Variants in RPS6KA4 observed in about 807,000 individuals in gnomAD.
RPS6KA4 encodes ribosomal protein S6 kinase alpha-4.
Under a neutral mutation model 89.6 loss-of-function variants are expected in RPS6KA4, and 38 were observed. The observed-to-expected ratio is 0.42, with a 90% CI of 0.33 to 0.56. The LOEUF (loss-of-function observed/expected upper bound fraction) is 0.56, where lower values mean the gene tolerates loss of function less well. RPS6KA4 is among the 20% of genes least tolerant of loss of function. RPS6KA4 has a pLI of 0.07. For synonymous variants in RPS6KA4, 495 were observed against 492.8 expected (o/e 1.00, Z -0.06); for missense variants, 873 against 1,098.8 (o/e 0.79, Z 2.90).
At chr11:64,364,651 C>T (rs764125261) in intron 8 of RPS6KA4, among the ~76,000 whole-genome samples, 29 of 152,010 alleles carry the variant, frequency 1.9e-4, no homozygotes, top group Non-Finnish European at 8.8e-5. Flanking sequence ...TTCATCTAAC[C>T]CTGAGAGGGT....
At position 64,371,327 on chromosome 11, in the gene RPS6KA4, G is replaced by A; in HGVS notation, c.2166G>A (p.Val722=). 2 of 1,612,872 alleles carry A rather than the reference G, an allele frequency of 1.2e-6. No homozygotes were observed. Among genetic ancestry groups the A allele is most frequent in the Non-Finnish European group, 1.7e-6 (2 of 1,179,948 alleles). ...GKREGFFLKS[V]ENAPLAKRRK... ...GGGAGGGCTTCTTCCTGAAGAGCGT[G>A]GAGAATGCACCCCTGGCCAAGCGGC... The change falls in exon 17 of 17, where the codon GTG becomes GTA. Residue 722 remains valine (V), a synonymous_variant. Transcript: ENST00000334205.
rs1177592166 is a variant in RPS6KA4, at chr11:64,370,828, G to A, written c.2121+102G>A. On this transcript the variant is annotated intron_variant, in intron 16 of 16. Coordinates refer to ENST00000334205, the MANE Select transcript of RPS6KA4 (RefSeq NM_003942.3). The surrounding 1 kb of genome is among the most constrained non-coding windows in gnomAD (Gnocchi z 4.1). ...GAGCACAGAAAGGCGAGGTGAGGCCGGGCGCGGTGGCTCACGCCTGTAATC... is the reference window on the plus strand; with the variant it reads ...GAGCACAGAAAGGCGAGGTGAGGCCAGGCGCGGTGGCTCACGCCTGTAATC... The A allele has an allele frequency of 2.9e-6, 4 of 1,370,034 alleles. No individual in the cohort carries two copies. Among genetic ancestry groups the A allele is most frequent in the South Asian group, 3.0e-5 (2 of 66,650 alleles). 84.9% of individuals were successfully genotyped at this position (1,370,034 alleles called of 1,614,324 possible).
In RPS6KA4 at chr11:64,371,607, C is replaced by A. The variant is rs2037079715; in HGVS notation, c.*127C>A. 2 of 568,366 alleles carry A rather than the reference C, an allele frequency of 3.5e-6. No homozygotes were observed. The highest frequency in any genetic ancestry group is 6.5e-5 in the Admixed American group (2 of 30,682). The allele number at this position is 568,366 out of a possible 1,614,324, so 35.2% of individuals were successfully genotyped here. The stretch of plus-strand genomic sequence containing the variant: ...TGTCCTTTCCTCTCCTACCCCACCC[C>A]ACTCCCAGACAGAGCAGAAGTATTT... On this transcript the variant is annotated 3_prime_UTR_variant, in exon 17 of 17. Coordinates refer to ENST00000334205, the MANE Select transcript of RPS6KA4 (RefSeq NM_003942.3).
intron 2 of RPS6KA4, 126 bp from the exon 3 acceptor site, chr11:64,360,037 C>T: frequency 2.3e-6 from 2 of 880,488 alleles, no homozygotes; most frequent in Non-Finnish European, 3.4e-6. Flanking sequence ...TTTTGCACAC[C>T]TGCCTGTTGC....
intron 9 of RPS6KA4, among the ~76,000 whole-genome samples, chr11:64,367,793 G>T (rs2036924749): frequency 6.6e-6 from 1 of 152,090 alleles, no homozygotes; most frequent in Non-Finnish European, 1.5e-5. Flanking sequence ...GATAGAGTTG[G>T]ATTCTCATAA....
In RPS6KA4 at chr11:64,361,268, G is replaced by C; in HGVS notation, c.570+27G>C. 1 of 1,589,048 alleles carries C rather than the reference G, an allele frequency of 6.3e-7. No homozygotes were observed. The highest frequency in any genetic ancestry group is 1.1e-5 in the South Asian group (1 of 90,460). On this transcript the variant is annotated intron_variant, in intron 5 of 16. Coordinates refer to ENST00000334205, the MANE Select transcript of RPS6KA4 (RefSeq NM_003942.3). The surrounding 1 kb of genome is among the most constrained non-coding windows in gnomAD (Gnocchi z 4.7). Reference sequence around the variant, plus strand: ...TGAGTGGAGGCCACCTCTGCCTGCAGTGCCCCATTCAATCCTTCTCCTTCC... The same window carrying C: ...TGAGTGGAGGCCACCTCTGCCTGCACTGCCCCATTCAATCCTTCTCCTTCC...
Position 64,361,017 on chromosome 11 carries a change from CTCTA to C in RPS6KA4, c.463-116_463-113del. ...TCAGTGGCTCTGCCCTGGAGACCCC[CTCTA>C]CAGGCAGATGACTTTCTCTGGGGGG... On this transcript the variant is annotated intron_variant, in intron 4 of 16. Coordinates refer to ENST00000334205, the MANE Select transcript of RPS6KA4 (RefSeq NM_003942.3). This position sits in a 1 kb window ranked among gnomAD's most constrained non-coding sequence, Gnocchi z 4.7. 1 of 752,234 alleles carries C rather than the reference CTCTA, an allele frequency of 1.3e-6. No individual in the cohort carries two copies. Among genetic ancestry groups the C allele is most frequent in the Non-Finnish European group, 2.2e-6 (1 of 461,740 alleles). The allele number at this position is 752,234 out of a possible 1,614,324, so 46.6% of individuals were successfully genotyped here.
chr11:64,362,779 T>G (rs1160615420), intron 8 of RPS6KA4, among the ~76,000 whole-genome samples: 1 of 152,232 alleles, frequency 6.6e-6, no homozygotes, highest in East Asian at 1.9e-4. Flanking sequence ...CAAGCGATTT[T>G]CCTGCCTCAG....
intron 10 of RPS6KA4, 38 bp from the exon 11 acceptor site, chr11:64,368,430 C>T (rs1272346512): frequency 6.5e-7 from 1 of 1,543,556 alleles, no homozygotes; most frequent in African/African-American, 1.4e-5. Context: ...GGACCTCTGA[C>T]GCGCCGCCTT....
At chr11:64,367,270 C>G (rs572401929) in intron 9 of RPS6KA4, among the ~76,000 whole-genome samples, 20 of 152,168 alleles carry the variant, frequency 1.3e-4, no homozygotes, top group Non-Finnish European at 2.8e-4. Context: ...CTCAGCCTGC[C>G]CAATAGCTAG....
Position 64,361,836 on chromosome 11 carries a change from C to A in RPS6KA4, c.756-16C>A, listed in dbSNP as rs371951818. ...TGGGGGGCTTGCTGCCCCTGACACC[C>A]CCCCAATCCTCCCAGACGGATCCTG... On this transcript the variant is annotated splice_polypyrimidine_tract_variant and intron_variant, in intron 7 of 16. Transcript: ENST00000334205. The surrounding 1 kb of genome is among the most constrained non-coding windows in gnomAD (Gnocchi z 4.7). The A allele has an allele frequency of 1.6e-5, 26 of 1,592,136 alleles. No homozygotes were observed. Among genetic ancestry groups the A allele is most frequent in the African/African-American group, 4.1e-5 (3 of 73,524 alleles).
intron 8 of RPS6KA4, among the ~76,000 whole-genome samples, chr11:64,363,481 C>T (rs561674835): frequency 6.6e-6 from 1 of 152,174 alleles, no homozygotes; most frequent in Admixed American, 6.5e-5. Context: ...TGTTTCCCTC[C>T]TTCTGTCTTT....
chr11:64,367,359 A>C (rs531717855), intron 9 of RPS6KA4, among the ~76,000 whole-genome samples: 1 of 152,056 alleles, frequency 6.6e-6, no homozygotes, highest in Non-Finnish European at 1.5e-5. Flanking sequence ...TGCCCAGGCT[A>C]GAGTGCAATG....
chr11:64,360,387 C>A lies in RPS6KA4; in HGVS notation c.346+6C>A, dbSNP rs771260681. 1.9e-6 allele frequency: 3 copies of A among 1,553,166 alleles called. No homozygotes were observed. The highest frequency in any genetic ancestry group is 1.7e-4 in the Middle Eastern group (1 of 5,964). On this transcript the variant is annotated splice_donor_region_variant and intron_variant, in intron 3 of 16. Transcript: ENST00000334205. The stretch of plus-strand genomic sequence containing the variant: ...CAAGCTGCACCTCATCCTGGGTGAG[C>A]GCACACCACATCCCAACGGGGTTGG...
In RPS6KA4 at chr11:64,365,302, GCCT is replaced by G; in HGVS notation, c.910_912del (p.Leu304del). The G allele has an allele frequency of 6.2e-7, 1 of 1,612,404 alleles. No homozygotes were observed. Among genetic ancestry groups the G allele is most frequent in the Non-Finnish European group, 8.5e-7 (1 of 1,178,974 alleles). ...TGACCTCTGATTCCCTTCCCTCAGG[GCCT>G]CGATTGGGTGGCTCTGGCTGCCAGG... is the stretch of plus-strand genomic sequence containing the variant. On this transcript the variant is annotated inframe_deletion and splice_region_variant, in exon 9 of 17. Transcript: ENST00000334205.
chr11:64,371,473 C>T lies in RPS6KA4; in HGVS notation c.2312C>T (p.Pro771Leu). 1 of 1,201,716 alleles carries T rather than the reference C, an allele frequency of 8.3e-7. No homozygotes were observed. The highest frequency in any genetic ancestry group is 1.2e-6 in the Non-Finnish European group (1 of 835,254). 74.4% of individuals were successfully genotyped at this position (1,201,716 alleles called of 1,614,324 possible). A position where few individuals can be genotyped will look rare whatever the true frequency, so the allele number is the denominator to read the frequency against. Residue 771 changes from proline (P) to leucine (L), a missense_variant, in exon 17 of 17, where the codon CCC becomes CTC. Coordinates refer to ENST00000334205, the MANE Select transcript of RPS6KA4 (RefSeq NM_003942.3). ...CGCCGAGCCAACGGCCCCCTGCCCC[C>T]CTCCTAATCCCCACCACTGTGACCC... ...APRRANGPLP[P>L]S
chr11:64,367,352 C>T (rs187547808), intron 9 of RPS6KA4, among the ~76,000 whole-genome samples: 57 of 152,284 alleles, frequency 3.7e-4, no homozygotes, highest in Non-Finnish European at 6.8e-4. Context: ...CTCTTGTTGC[C>T]CAGGCTAGAG....
chr11:64,370,303 T>A lies in RPS6KA4; in HGVS notation c.1876T>A (p.Cys626Ser). ...GCAGAGCCAGGCGGCCGAGATCATG[T>A]GCAAAATCCGCGAGGGGCGCTTCTC... Reference protein sequence around the residue: ...GGQSQAAEIMCKIREGRFSLD... With the variant: ...GGQSQAAEIMSKIREGRFSLD... The change falls in exon 15 of 17, where the codon TGC (cysteine) becomes AGC (serine). Residue 626 changes from cysteine (C) to serine (S), a missense_variant. By Grantham distance (112) the Cys-to-Ser change is moderately radical. Transcript: ENST00000334205. This position sits in a 1 kb window ranked among gnomAD's most constrained non-coding sequence, Gnocchi z 4.1. 6.3e-7 allele frequency: 1 copy of A among 1,591,794 alleles called. No individual in the cohort carries two copies. Among genetic ancestry groups the A allele is most frequent in the Admixed American group, 1.9e-5 (1 of 51,614 alleles).
chr11:64,362,951 G>A (rs1204754128), intron 8 of RPS6KA4, among the ~76,000 whole-genome samples: 1 of 152,188 alleles, frequency 6.6e-6, no homozygotes. Context: ...GATTACAGGT[G>A]TGAGCCACCA....
Sources: gnomAD v4.1 joint callset for allele counts (sites outside exome capture counted in the v4.1 genomes callset) on GRCh38, gnomAD v4.1.1 for gene constraint, Gnocchi (gnomAD v3.1) non-coding constraint, MANE v1.5 for transcripts, NCBI Gene and HGNC (gene_info 2026-07-23, HGNC 2026-07-21) for gene names.